UBE2A: variants seen among roughly 807,000 people sequenced by gnomAD.
The protein encoded by UBE2A is ubiquitin conjugating enzyme E2 A.
For missense variants in UBE2A, 27 were observed against 125.8 expected (o/e 0.21, Z 3.76); for synonymous variants, 39 against 41.1 (o/e 0.95, Z 0.20).
rs2053471523 is a variant in UBE2A at position 119,584,051 on chromosome X, TAAGTGAATA to T, written c.*799_*807del. Reference sequence around the variant, plus strand: ...TCTTTTTAAAGGATCAGTGCTGCCCTAAGTGAATAAACTCAATTGTCCATCTTTATTTTA... The same window carrying T: ...TCTTTTTAAAGGATCAGTGCTGCCCTAACTCAATTGTCCATCTTTATTTTA... On this transcript the variant is annotated 3_prime_UTR_variant, in exon 6 of 6. Coordinates refer to ENST00000371558, the MANE Select transcript of UBE2A (RefSeq NM_003336.4). 1 of 112,356 alleles carries T rather than the reference TAAGTGAATA, an allele frequency of 8.9e-6. No individual in the cohort carries two copies. The highest frequency in any genetic ancestry group is 2.8e-4 in the East Asian group (1 of 3,610). 9.3% of individuals were successfully genotyped at this position (112,356 alleles called of 1,213,427 possible).
At chrX:119,576,966 C>T (rs2053419788) in intron 3 of UBE2A, 1 of 112,124 alleles carries the variant, frequency 8.9e-6, no homozygotes, top group African/African-American at 3.2e-5. Context: ...CCCTGTCACC[C>T]AGGCTGGAGT....
chrX:119,574,785 G>A (rs2053402257), intron 1 of UBE2A, 30 bp downstream of exon 1: 26 of 1,182,978 alleles, frequency 2.2e-5, no homozygotes, highest in Non-Finnish European at 2.7e-5. Context: ...GAGGCCGGGG[G>A]TTGCGAGCTG....
At chrX:119,582,446 C>G (rs2053455927) in intron 4 of UBE2A, 142 bp from the exon 5 acceptor site, 1 of 420,062 alleles carries the variant, frequency 2.4e-6, no homozygotes, top group Non-Finnish European at 4.2e-6. Flanking sequence ...TATGACTTAT[C>G]TTTTTAGGCA....
At chrX:119,578,516 A>G (rs1443238542) in intron 3 of UBE2A, among the ~76,000 whole-genome samples, 1 of 111,685 alleles carries the variant, frequency 9.0e-6, no homozygotes, top group Non-Finnish European at 1.9e-5. Context: ...AATAAATCCT[A>G]TGATGAAGAG....
Position 119,583,305 on chromosome X carries a change from G to C in UBE2A, c.*50G>C. 8.3e-7 allele frequency: 1 copy of C among 1,203,295 alleles called. No homozygotes were observed. The highest frequency in any genetic ancestry group is 3.0e-5 in the East Asian group (1 of 33,763). On this transcript the variant is annotated 3_prime_UTR_variant, in exon 6 of 6. Coordinates refer to ENST00000371558, the MANE Select transcript of UBE2A (RefSeq NM_003336.4). ...GGCCATAAGAAAAATATATATTGAT[G>C]TGTTTGTCACCTCCCTACTCCTGTC... is the stretch of plus-strand genomic sequence containing the variant.
intron 2 of UBE2A, 93 bp from the exon 3 acceptor site, chrX:119,575,282 T>C: frequency 8.7e-7 from 1 of 1,148,413 alleles, no homozygotes; most frequent in South Asian, 1.8e-5. Flanking sequence ...GTAGCGGTGC[T>C]GGAGATGGCA....
At position 119,574,639 on chromosome X, in the gene UBE2A, C is replaced by T; in HGVS notation, c.-73C>T. On this transcript the variant is annotated 5_prime_UTR_variant, in exon 1 of 6. Coordinates refer to ENST00000371558, the MANE Select transcript of UBE2A (RefSeq NM_003336.4). ...CCTCCCCTTCTCCTGCTTCTCCAGC[C>T]TCTTCGGCCTCCTCGCCCGCCGCGG... is the stretch of plus-strand genomic sequence containing the variant. 6.1e-6 allele frequency: 7 copies of T among 1,143,233 alleles called. No individual in the cohort carries two copies. Among genetic ancestry groups the T allele is most frequent in the Non-Finnish European group, 5.9e-6 (5 of 852,587 alleles). The allele number at this position is 1,143,233 out of a possible 1,213,427, so 94.2% of individuals were successfully genotyped here.
intron 2 of UBE2A, 131 bp from the exon 3 acceptor site, chrX:119,575,244 C>T (rs776007679): frequency 4.1e-6 from 4 of 964,022 alleles, no homozygotes; most frequent in South Asian, 2.0e-5. Flanking sequence ...GAGCCCGGGA[C>T]ATCCATTTGT....
At chrX:119,576,341 T>TTG (rs1464153597) in intron 3 of UBE2A, among the ~76,000 whole-genome samples, 15 of 110,860 alleles carry the variant, frequency 1.4e-4, no homozygotes, top group Middle Eastern at 4.6e-3. Context: ...CTACACTCAG[T>TTG]TGTGTGTGTG....
In UBE2A at chrX:119,583,337, T is replaced by C; in HGVS notation, c.*82T>C. 1 of 1,178,911 alleles carries C rather than the reference T, an allele frequency of 8.5e-7. No individual in the cohort carries two copies. On this transcript the variant is annotated 3_prime_UTR_variant, in exon 6 of 6. Coordinates refer to ENST00000371558, the MANE Select transcript of UBE2A (RefSeq NM_003336.4). Reference sequence around the variant, plus strand: ...TCACCTCCCTACTCCTGTCATTACATTTACTTTATTAAAAGCAAAATAACT... The same window carrying C: ...TCACCTCCCTACTCCTGTCATTACACTTACTTTATTAAAAGCAAAATAACT...
chrX:119,578,623 C>G (rs1242330156), intron 3 of UBE2A, among the ~76,000 whole-genome samples: 3 of 110,906 alleles, frequency 2.7e-5, no homozygotes, highest in African/African-American at 9.8e-5. Context: ...AAACTGGTGG[C>G]CAAATGGCAG....
intron 3 of UBE2A, among the ~76,000 whole-genome samples, chrX:119,578,719 C>T (rs1384219892): frequency 1.8e-5 from 2 of 111,013 alleles, no homozygotes; most frequent in African/African-American, 6.6e-5. Context: ...GAACATATAC[C>T]CCCTCTAGTT....
chrX:119,583,786 A>G lies in UBE2A; in HGVS notation c.*531A>G, dbSNP rs1185372756. On this transcript the variant is annotated 3_prime_UTR_variant, in exon 6 of 6. Coordinates refer to ENST00000371558, the MANE Select transcript of UBE2A (RefSeq NM_003336.4). The stretch of plus-strand genomic sequence containing the variant: ...ATCCTGTGATACTAAGATCTCAGTC[A>G]TATGAATTACAACGTAGTATTTACT... 8.2e-6 allele frequency: 1 copy of G among 121,343 alleles called. No homozygotes were observed. The highest frequency in any genetic ancestry group is 1.7e-5 in the Non-Finnish European group (1 of 58,736). The allele number at this position is 121,343 out of a possible 1,213,427, so 10.0% of individuals were successfully genotyped here.
At chrX:119,581,451 T>A in intron 3 of UBE2A, 56 bp from the exon 4 acceptor site, 1 of 911,337 alleles carries the variant, frequency 1.1e-6, no homozygotes, top group Middle Eastern at 3.6e-4. Context: ...AAAAACAAAG[T>A]ACTACTGAAC....
chrX:119,582,949 T>TAA (rs887191386), intron 5 of UBE2A, among the ~76,000 whole-genome samples, 178 bp from the exon 6 acceptor site: 2 of 97,632 alleles, frequency 2.0e-5, no homozygotes, highest in African/African-American at 7.4e-5. Flanking sequence ...TCTTCTCCCT[T>TAA]AAAAAAAAAA....
intron 3 of UBE2A, among the ~76,000 whole-genome samples, chrX:119,579,623 C>G (rs1475390225): frequency 8.9e-6 from 1 of 111,958 alleles, no homozygotes; most frequent in Non-Finnish European, 1.9e-5. Context: ...CCCAAAGTCT[C>G]ACAGCTAGTA....
intron 1 of UBE2A, 34 bp from the exon 2 acceptor site, chrX:119,574,867 C>T (rs985490986): frequency 3.7e-5 from 45 of 1,207,016 alleles, no homozygotes; most frequent in Non-Finnish European, 5.0e-5. Context: ...GCGCCAGTGC[C>T]GGCCTAGGGG....
At position 119,578,060 on chromosome X, in the gene UBE2A, TAAG is replaced by T. The variant is rs773046855; in HGVS notation, c.151+2663_151+2665del. On this transcript the variant is annotated intron_variant, in intron 3 of 5. Coordinates refer to ENST00000371558, the MANE Select transcript of UBE2A (RefSeq NM_003336.4). ...GTTTCCAATGTATTATGTTATTAAT[TAAG>T]AACCCCAAAACTACTTTTGCTTCTT... Among the ~76,000 whole-genome samples the T allele has an allele frequency of 1.2e-4, 13 of 111,932 alleles. No individual in the cohort carries two copies. In the East Asian group the frequency reaches 3.6e-3, roughly 31 times the overall value.
chrX:119,576,014 G>A (rs2053413780), intron 3 of UBE2A, among the ~76,000 whole-genome samples: 1 of 112,148 alleles, frequency 8.9e-6, no homozygotes, highest in Non-Finnish European at 1.9e-5. Flanking sequence ...ACGTTATGAT[G>A]AGTAATTTCA....
Sources: gnomAD v4.1 joint callset for allele counts (sites outside exome capture counted in the v4.1 genomes callset) on GRCh38, gnomAD v4.1.1 for gene constraint, MANE v1.5 for transcripts, NCBI Gene and HGNC (gene_info 2026-07-23, HGNC 2026-07-21) for gene names.